HSF5: variants seen among roughly 807,000 people sequenced by gnomAD.
HSF5 encodes heat shock transcription factor 5.
In HSF5, 5 loss-of-function variants were observed where a neutral mutation model predicts 50.8. That is an observed-to-expected ratio of 0.10 (90% CI 0.05 to 0.21). The LOEUF is 0.21. HSF5 is among the 10% of genes least tolerant of loss of function. The probability of loss-of-function intolerance (pLI) is 1.00; values close to 1 mark genes in which losing one functional copy is unlikely to be tolerated. For missense variants in HSF5, 564 were observed against 762.6 expected, an observed-to-expected ratio of 0.74 and a Z score of 3.07; for synonymous variants, 307 against 307.4, an observed-to-expected ratio of 1.00 and a Z score of 0.02.
intron 5 of HSF5, among the ~76,000 whole-genome samples, chr17:58,439,065 A>G (rs1974464431): frequency 6.6e-6 from 1 of 151,964 alleles, no homozygotes; most frequent in Non-Finnish European, 1.5e-5. Context: ...TTTAGCCCAG[A>G]GATCAAGGCT....
chr17:58,452,665 C>A (rs1474935267), intron 5 of HSF5, among the ~76,000 whole-genome samples: 1 of 152,130 alleles, frequency 6.6e-6, no homozygotes, highest in East Asian at 1.9e-4. Context: ...TAAAAATTAG[C>A]TAGGCGTCAC....
In HSF5 at chr17:58,478,475, CA is replaced by C. The variant is rs1189444544; in HGVS notation, c.925+1417del. On this transcript the variant is annotated intron_variant, in intron 2 of 5. Coordinates refer to ENST00000323777, the MANE Select transcript of HSF5 (RefSeq NM_001080439.3). ...CTGGCAACAGAGCGAGACTCCATCT[CA>C]AAAAAAAAAAAAAAGAAAAGAAAAG... is the stretch of plus-strand genomic sequence containing the variant. Among the ~76,000 whole-genome samples the C allele has an allele frequency of 5.2e-3, 301 of 57,916 alleles. 1 individual carries two copies. The highest frequency in any genetic ancestry group is 0.038 in the Middle Eastern group (3 of 78). 38.0% of individuals were successfully genotyped at this position (57,916 alleles called of 152,430 possible). A position where few individuals can be genotyped will look rare whatever the true frequency, so the allele number is the denominator to read the frequency against.
intron 5 of HSF5, among the ~76,000 whole-genome samples, chr17:58,447,965 A>G (rs1355649380): frequency 6.6e-6 from 1 of 152,102 alleles, no homozygotes; most frequent in African/African-American, 2.4e-5. Flanking sequence ...TCTGGCCAAC[A>G]TGGAGAAACT....
intron 1 of HSF5, 41 bp from the exon 2 acceptor site, chr17:58,480,308 A>T (rs745926569): frequency 6.5e-7 from 1 of 1,540,880 alleles, no homozygotes. Context: ...ATTTTGCATT[A>T]CATCACCAGA....
intron 2 of HSF5, among the ~76,000 whole-genome samples, chr17:58,471,102 T>TTTCG (rs1419189937): frequency 6.6e-6 from 1 of 151,962 alleles, no homozygotes; most frequent in East Asian, 1.9e-4. Context: ...AGGTACAGAG[T>TTTCG]TTCGGTTGGG....
At chr17:58,478,353 T>C (rs565952057) in intron 2 of HSF5, among the ~76,000 whole-genome samples, 1 of 148,710 alleles carries the variant, frequency 6.7e-6, no homozygotes, top group African/African-American at 2.5e-5. Context: ...GGCAGGCGCC[T>C]GTAGTCCCAG....
At chr17:58,435,048 G>A (rs1204609543) in intron 5 of HSF5, among the ~76,000 whole-genome samples, 1 of 152,118 alleles carries the variant, frequency 6.6e-6, no homozygotes, top group African/African-American at 2.4e-5. Context: ...ATATGTTGGT[G>A]GGAAGATATG....
At chr17:58,480,668 A>G (rs1460539490) in intron 1 of HSF5, among the ~76,000 whole-genome samples, 1 of 152,186 alleles carries the variant, frequency 6.6e-6, no homozygotes, top group African/African-American at 2.4e-5. Flanking sequence ...ATTTTGTAAC[A>G]TTAATAATAG....
chr17:58,485,418 G>A (rs2143813748), intron 1 of HSF5, among the ~76,000 whole-genome samples: 1 of 152,028 alleles, frequency 6.6e-6, no homozygotes, highest in African/African-American at 2.4e-5. Flanking sequence ...TGCCACCCTT[G>A]CCTTCCTGGA....
intron 2 of HSF5, among the ~76,000 whole-genome samples, chr17:58,472,311 A>AC (rs369548043): frequency 6.6e-6 from 1 of 151,432 alleles, no homozygotes; most frequent in Non-Finnish European, 1.5e-5. Flanking sequence ...TACCCCCCCC[A>AC]AAAAAAGTGT....
chr17:58,477,798 A>C (rs1975037491), intron 2 of HSF5, among the ~76,000 whole-genome samples: 1 of 151,930 alleles, frequency 6.6e-6, no homozygotes, highest in Admixed American at 6.5e-5. Context: ...CTTCTACTTT[A>C]AGTAAATATC....
chr17:58,486,661 G>A (rs148387541), intron 1 of HSF5, among the ~76,000 whole-genome samples: 1 of 152,104 alleles, frequency 6.6e-6, no homozygotes, highest in Non-Finnish European at 1.5e-5. Flanking sequence ...ATTCTACATA[G>A]GAACTATATC....
intron 1 of HSF5, among the ~76,000 whole-genome samples, chr17:58,481,778 T>C (rs1365469777): frequency 2.0e-5 from 3 of 152,214 alleles, no homozygotes; most frequent in Non-Finnish European, 4.4e-5. Flanking sequence ...GGCAGGCAGA[T>C]CACTTGAGTC....
At chr17:58,467,083 A>G in intron 2 of HSF5, 104 bp from the exon 3 acceptor site, 1 of 715,416 alleles carries the variant, frequency 1.4e-6, no homozygotes, top group South Asian at 1.6e-5. Context: ...AATTTGAAGA[A>G]CTTCTTTTGT....
intron 5 of HSF5, among the ~76,000 whole-genome samples, chr17:58,441,173 T>G (rs11655719): frequency 0.081 from 12,325 of 151,930 alleles, 664 homozygotes; most frequent in Middle Eastern, 0.2. Context: ...CACAACACAA[T>G]TAAATTAGAA....
intron 2 of HSF5, among the ~76,000 whole-genome samples, chr17:58,478,597 C>T (rs1162600820): frequency 6.6e-6 from 1 of 151,114 alleles, no homozygotes; most frequent in Non-Finnish European, 1.5e-5. Flanking sequence ...CAGGGTGGCT[C>T]ACTCCCGTAA....
rs1196550939 is a variant in HSF5 at position 58,487,735 on chromosome 17, G to C, written c.540C>G (p.Pro180=). The change falls in exon 1 of 6, where the codon CCC becomes CCG. Residue 180 remains proline (P), a synonymous_variant. Coordinates refer to ENST00000323777, the MANE Select transcript of HSF5 (RefSeq NM_001080439.3). ...QQPPPPAGPR[P]EPHGPVAVGQ... The stretch of plus-strand genomic sequence containing the variant: ...GCAGTCCGGACTCACCGTGCGGCTC[G>C]GGCCGGGGCCCCGCGGGCGGCGGCG... 1.5e-6 allele frequency: 2 copies of C among 1,377,906 alleles called. No individual in the cohort carries two copies. The highest frequency in any genetic ancestry group is 1.5e-5 in the African/African-American group (1 of 65,690). The allele number at this position is 1,377,906 out of a possible 1,614,324, so 85.4% of individuals were successfully genotyped here. A position where few individuals can be genotyped will look rare whatever the true frequency, so the allele number is the denominator to read the frequency against.
intron 2 of HSF5, among the ~76,000 whole-genome samples, chr17:58,473,277 A>T (rs1974972678): frequency 6.6e-6 from 1 of 152,178 alleles, no homozygotes; most frequent in African/African-American, 2.4e-5. Flanking sequence ...ATGTGTTAAT[A>T]AAAAAAGAGA....
chr17:58,448,078 G>C (rs145164079), intron 5 of HSF5, among the ~76,000 whole-genome samples: 1 of 138,950 alleles, frequency 7.2e-6, no homozygotes, highest in Non-Finnish European at 1.5e-5. Flanking sequence ...AAGTTGCAGC[G>C]AATTGAGATC....
Sources: gnomAD v4.1 joint callset for allele counts (sites outside exome capture counted in the v4.1 genomes callset) on GRCh38, gnomAD v4.1.1 for gene constraint, MANE v1.5 for transcripts, NCBI Gene and HGNC (gene_info 2026-07-23, HGNC 2026-07-21) for gene names.